The following IGSF3 variants were observed in gnomAD, a reference collection of about 807,000 sequenced individuals.
The protein encoded by IGSF3 is immunoglobulin superfamily member 3.
A neutral mutation model predicts 114.4 loss-of-function variants in IGSF3; 23 were observed. That is an observed-to-expected ratio of 0.20 (90% CI 0.14 to 0.28). The LOEUF (loss-of-function observed/expected upper bound fraction) is 0.28, where lower values mean the gene tolerates loss of function less well. Ranked by LOEUF, IGSF3 falls within the 10% of genes least tolerant of loss-of-function variation. The pLI is 1.00. For missense variants in IGSF3, 1,172 were observed against 1,591.5 expected (o/e 0.74, Z 4.48); for synonymous variants, 571 against 645.2 (o/e 0.88, Z 1.74).
At chr1:116,590,860 T>C (rs1660079619) in intron 7 of IGSF3, among the ~76,000 whole-genome samples, 1 of 152,102 alleles carries the variant, frequency 6.6e-6, no homozygotes, top group Non-Finnish European at 1.5e-5. Flanking sequence ...TGGAAGGATT[T>C]AGCAAGCCAA....
rs1250507139 is a variant in IGSF3, at chr1:116,649,433, G to A, written c.43+16851C>T. On this transcript the variant is annotated intron_variant, in intron 2 of 10. Coordinates refer to ENST00000369486, the MANE Select transcript of IGSF3 (RefSeq NM_001007237.3). This position sits in a 1 kb window ranked among gnomAD's most constrained non-coding sequence, Gnocchi z 4.5. ...AGCCCTATTTTCAAATGAATTCAACGCCTCATTACTTAGATCTTTCCTCAT... is the reference window on the plus strand; with the variant it reads ...AGCCCTATTTTCAAATGAATTCAACACCTCATTACTTAGATCTTTCCTCAT... Among the ~76,000 whole-genome samples, 4 of 152,116 alleles carry A rather than the reference G, an allele frequency of 2.6e-5. No homozygotes were observed. Among genetic ancestry groups the A allele is most frequent in the Non-Finnish European group, 2.9e-5 (2 of 68,020 alleles).
At position 116,598,984 on chromosome 1, in the gene IGSF3, C is replaced by T. The variant is rs900585586; in HGVS notation, c.2029+957G>A. Among the ~76,000 whole-genome samples, 4 of 152,200 alleles carry T rather than the reference C, an allele frequency of 2.6e-5. No homozygotes were observed. The highest frequency in any genetic ancestry group is 5.9e-5 in the Non-Finnish European group (4 of 68,028). ...TGATCCGCTTTGAGACAGACTCAGC[C>T]TCCATAGAGAAAGGAGCTCAAATTC... On this transcript the variant is annotated intron_variant, in intron 7 of 10. Coordinates refer to ENST00000369486, the MANE Select transcript of IGSF3 (RefSeq NM_001007237.3). The surrounding 1 kb of genome is among the most constrained non-coding windows in gnomAD (Gnocchi z 4.3).
chr1:116,643,188 A>G (rs937141534), intron 2 of IGSF3, among the ~76,000 whole-genome samples: 10 of 152,202 alleles, frequency 6.6e-5, no homozygotes, highest in African/African-American at 2.4e-4. Flanking sequence ...CACAGAAAGG[A>G]AACTGCTATC....
At position 116,586,233 on chromosome 1, in the gene IGSF3, G is replaced by C. The variant is rs547834774; in HGVS notation, c.2441-1181C>G. Among the ~76,000 whole-genome samples, 140 of 152,302 alleles carry C rather than the reference G, an allele frequency of 9.2e-4. 2 individuals carry two copies. Among genetic ancestry groups the C allele is most frequent in the African/African-American group, 3.3e-3 (136 of 41,560 alleles). ...GATTACTTTTGTAATTAAAAAGTCAGAAAATATAAAATAACAAAATATATT... is the reference window on the plus strand; with the variant it reads ...GATTACTTTTGTAATTAAAAAGTCACAAAATATAAAATAACAAAATATATT... On this transcript the variant is annotated intron_variant, in intron 8 of 10. Coordinates refer to ENST00000369486, the MANE Select transcript of IGSF3 (RefSeq NM_001007237.3).
chr1:116,619,088 C>T (rs961842064), intron 2 of IGSF3, among the ~76,000 whole-genome samples: 3 of 152,142 alleles, frequency 2.0e-5, no homozygotes, highest in African/African-American at 2.4e-5. Context: ...GTGTCTCTAC[C>T]TACATGGTGC....
chr1:116,601,787 G>A (rs1330561102), intron 6 of IGSF3, among the ~76,000 whole-genome samples: 1 of 152,200 alleles, frequency 6.6e-6, no homozygotes, highest in Non-Finnish European at 1.5e-5. Context: ...GCCTGTGACA[G>A]TCGCTGTGCA....
rs1243277905 is a variant in IGSF3 at position 116,625,594 on chromosome 1, G to A, written c.44-9137C>T. Among the ~76,000 whole-genome samples, 3 of 152,234 alleles carry A rather than the reference G, an allele frequency of 2.0e-5. No individual in the cohort carries two copies. Among genetic ancestry groups the A allele is most frequent in the East Asian group, 1.9e-4 (1 of 5,202 alleles). On this transcript the variant is annotated intron_variant, in intron 2 of 10. Coordinates refer to ENST00000369486, the MANE Select transcript of IGSF3 (RefSeq NM_001007237.3). The surrounding 1 kb of genome is among the most constrained non-coding windows in gnomAD (Gnocchi z 4.7). The stretch of plus-strand genomic sequence containing the variant: ...GAAGACGGATCAGATTTACGCTTTC[G>A]AATTATCACTCTGGTGGCAGGTGGA...
intron 2 of IGSF3, among the ~76,000 whole-genome samples, chr1:116,623,253 T>C (rs1001703924): frequency 5.9e-5 from 9 of 152,230 alleles, no homozygotes; most frequent in African/African-American, 2.2e-4. Context: ...GCCAGGTAAC[T>C]GACACTGTTC....
chr1:116,632,040 T>C lies in IGSF3; in HGVS notation c.44-15583A>G, dbSNP rs1197904889. Among the ~76,000 whole-genome samples the C allele has an allele frequency of 6.6e-6, 1 of 152,134 alleles. No homozygotes were observed. Among genetic ancestry groups the C allele is most frequent in the Non-Finnish European group, 1.5e-5 (1 of 68,026 alleles). ...AAACGGTCACTGAGAGCAGAGCCTA[T>C]TCCTGAAAAGCAAAAGACTCCAAAC... is the stretch of plus-strand genomic sequence containing the variant. On this transcript the variant is annotated intron_variant, in intron 2 of 10. Coordinates refer to ENST00000369486, the MANE Select transcript of IGSF3 (RefSeq NM_001007237.3). The surrounding 1 kb of genome is among the most constrained non-coding windows in gnomAD (Gnocchi z 5.1).
chr1:116,574,774 C>G lies in IGSF3; in HGVS notation c.*2538G>C, dbSNP rs1018590100. The G allele has an allele frequency of 6.6e-6, 1 of 152,546 alleles. No individual in the cohort carries two copies. The allele number at this position is 152,546 out of a possible 1,614,324, so 9.4% of individuals were successfully genotyped here. On this transcript the variant is annotated 3_prime_UTR_variant, in exon 11 of 11. Coordinates refer to ENST00000369486, the MANE Select transcript of IGSF3 (RefSeq NM_001007237.3). The surrounding 1 kb of genome is among the most constrained non-coding windows in gnomAD (Gnocchi z 5.2). ...AAGACTAAAGCTCCAGTAGACAATG[C>G]GCAATGAGGTCTCACAGCCACTGGA...
intron 2 of IGSF3, among the ~76,000 whole-genome samples, chr1:116,621,093 A>G (rs1661402155): frequency 6.6e-6 from 1 of 152,062 alleles, no homozygotes; most frequent in African/African-American, 2.4e-5. Context: ...TAGAGTTCTC[A>G]CAGTATCTAA....
Position 116,608,229 on chromosome 1 carries a change from C to T in IGSF3, c.935G>A (p.Arg312His), listed in dbSNP as rs758864398. The T allele has an allele frequency of 9.3e-6, 15 of 1,609,160 alleles. No individual in the cohort carries two copies. Among genetic ancestry groups the T allele is most frequent in the Admixed American group, 8.4e-5 (5 of 59,644 alleles). The change falls in exon 5 of 11, where the codon CGT becomes CAT. Residue 312 changes from arginine (R) to histidine (H), a missense_variant. Transcript: ENST00000369486. ...GAAGGCCCAGGAGACAGCAAAGTAA[C>T]GGTCGGGAACATTCTGAGCCTCCAG... ...CILEAQNVPDRYFAVSWAFNS... is the reference protein window; with the variant it reads ...CILEAQNVPDHYFAVSWAFNS...
At chr1:116,591,457 A>G (rs2101373799) in intron 7 of IGSF3, among the ~76,000 whole-genome samples, 1 of 152,376 alleles carries the variant, frequency 6.6e-6, no homozygotes. Flanking sequence ...TAGTAACTGC[A>G]TATGTTAAAC....
At chr1:116,611,401 T>A (rs1449196891) in intron 4 of IGSF3, among the ~76,000 whole-genome samples, 1 of 152,196 alleles carries the variant, frequency 6.6e-6, no homozygotes, top group African/African-American at 2.4e-5. Flanking sequence ...TACGTGCACA[T>A]GAACACCAAC....
At position 116,624,918 on chromosome 1, in the gene IGSF3, A is replaced by T. The variant is rs115367186; in HGVS notation, c.44-8461T>A. Among the ~76,000 whole-genome samples the T allele has an allele frequency of 3.2e-3, 493 of 152,318 alleles. 4 individuals are homozygous for T. Among genetic ancestry groups the T allele is most frequent in the African/African-American group, 0.011 (461 of 41,570 alleles). ...TGCCACAATGTGAGTGAATGAGCCAATCAGCACCCAGCTCCACCTGCCACC... is the reference window on the plus strand; with the variant it reads ...TGCCACAATGTGAGTGAATGAGCCATTCAGCACCCAGCTCCACCTGCCACC... On this transcript the variant is annotated intron_variant, in intron 2 of 10. Coordinates refer to ENST00000369486, the MANE Select transcript of IGSF3 (RefSeq NM_001007237.3). This position sits in a 1 kb window ranked among gnomAD's most constrained non-coding sequence, Gnocchi z 4.9.
chr1:116,648,001 G>A lies in IGSF3; in HGVS notation c.43+18283C>T, dbSNP rs1648472533. ...CGCCTGTAATCCTAGTTACTCGGGAGGCTGAGGCAGGAGAATCGCTTGAAC... is the reference window on the plus strand; with the variant it reads ...CGCCTGTAATCCTAGTTACTCGGGAAGCTGAGGCAGGAGAATCGCTTGAAC... On this transcript the variant is annotated intron_variant, in intron 2 of 10. Transcript: ENST00000369486. The surrounding 1 kb of genome is among the most constrained non-coding windows in gnomAD (Gnocchi z 4.7). Among the ~76,000 whole-genome samples the A allele has an allele frequency of 1.3e-5, 2 of 152,172 alleles. No homozygotes were observed. Among genetic ancestry groups the A allele is most frequent in the South Asian group, 2.1e-4 (1 of 4,826 alleles).
chr1:116,581,899 T>C (rs1358692132), intron 9 of IGSF3, among the ~76,000 whole-genome samples: 7 of 152,192 alleles, frequency 4.6e-5, no homozygotes, highest in African/African-American at 1.7e-4. Context: ...CTCCAGAGTC[T>C]AACATAGTAT....
chr1:116,577,405 C>A lies in IGSF3; in HGVS notation c.3492G>T (p.Val1164=). 1 of 1,614,192 alleles carries A rather than the reference C, an allele frequency of 6.2e-7. No individual in the cohort carries two copies. The highest frequency in any genetic ancestry group is 8.5e-7 in the Non-Finnish European group (1 of 1,180,020). ...SSKNSDGKNG[V]PLLWIKEPHL... is the part of the protein sequence containing the mutation. ...GTGGCTCTTTGATCCACAGCAGAGG[C>A]ACCCCATTCTTCCCATCAGAGTTCT... Residue 1164 remains valine (V), a synonymous_variant, in exon 11 of 11, where the codon GTG becomes GTT. Coordinates refer to ENST00000369486, the MANE Select transcript of IGSF3 (RefSeq NM_001007237.3). The surrounding 1 kb of genome is among the most constrained non-coding windows in gnomAD (Gnocchi z 5.7).
In IGSF3 at chr1:116,632,702, C is replaced by T. The variant is rs1169635038; in HGVS notation, c.44-16245G>A. 1.3e-5 allele frequency among the ~76,000 whole-genome samples: 2 copies of T among 152,198 alleles called. No homozygotes were observed. Among genetic ancestry groups the T allele is most frequent in the African/African-American group, 2.4e-5 (1 of 41,452 alleles). On this transcript the variant is annotated intron_variant, in intron 2 of 10. Coordinates refer to ENST00000369486, the MANE Select transcript of IGSF3 (RefSeq NM_001007237.3). This position sits in a 1 kb window ranked among gnomAD's most constrained non-coding sequence, Gnocchi z 5.1. Reference sequence around the variant, plus strand: ...GTACTCATTAACTCAGAGCTGACCTCGTCTGGCAGGATTAACTAGCCATAC... The same window carrying T: ...GTACTCATTAACTCAGAGCTGACCTTGTCTGGCAGGATTAACTAGCCATAC...
Sources: gnomAD v4.1 joint callset for allele counts (sites outside exome capture counted in the v4.1 genomes callset) on GRCh38, gnomAD v4.1.1 for gene constraint, Gnocchi (gnomAD v3.1) non-coding constraint, MANE v1.5 for transcripts, NCBI Gene and HGNC (gene_info 2026-07-23, HGNC 2026-07-21) for gene names.